Variants in CA4 observed in about 807,000 individuals in gnomAD.
CA4 encodes the protein CA-IV.
CA4 carries 24 observed loss-of-function variants against 34.5 expected under a neutral mutation model. The observed-to-expected ratio is 0.70, with a 90% CI of 0.50 to 0.98. CA4 has a LOEUF of 0.98. CA4 is among the 50% of genes least tolerant of loss of function. The pLI, the probability that CA4 is intolerant of heterozygous loss-of-function variation, is 0.00. For missense variants in CA4, 394 were observed against 396.7 expected, an observed-to-expected ratio of 0.99 and a Z score of 0.06; for synonymous variants, 178 against 170.6, an observed-to-expected ratio of 1.04 and a Z score of -0.34.
intron 5 of CA4, among the ~76,000 whole-genome samples, chr17:60,166,578 G>C (rs751460424): frequency 6.6e-6 from 1 of 152,222 alleles, no homozygotes; most frequent in Non-Finnish European, 1.5e-5. Context: ...TTAATCCTTA[G>C]AATAACAGTC....
exon 6 of CA4, chr17:60,170,581 A>T (rs2083903625): frequency 6.6e-6 from 1 of 152,228 alleles, no homozygotes; most frequent in African/African-American, 2.4e-5. Context: ...TCAGAAGCGA[A>T]TAGAACAAAC....
rs769362731 is a variant in CA4, at chr17:60,156,516, G to A, written c.113-44G>A. 50 of 1,608,830 alleles carry A rather than the reference G, an allele frequency of 3.1e-5. 1 individual carries two copies. The highest frequency in any genetic ancestry group is 4.2e-5 in the Non-Finnish European group (49 of 1,175,444). The stretch of plus-strand genomic sequence containing the variant: ...GTGGGGTGGTGGGGGCTACACCTTG[G>A]TGCCAGGCACCCGACTCTCAGCCCA... On this transcript the variant is annotated intron_variant, in intron 2 of 7. Transcript: ENST00000300900.
intron 1 of CA4, 36 bp from the exon 2 acceptor site, chr17:60,155,278 C>T (rs534331106): frequency 7.1e-5 from 113 of 1,597,676 alleles, no homozygotes; most frequent in South Asian, 5.6e-4. Flanking sequence ...ACAAGACACA[C>T]GCACGCACAC....
chr17:60,168,211 G>T (rs370590906), intron 5 of CA4, among the ~76,000 whole-genome samples: 4 of 140,190 alleles, frequency 2.9e-5, no homozygotes, highest in Admixed American at 7.1e-5. Context: ...TTATTTTTTG[G>T]GGGGGCGTGG....
At chr17:60,164,950 C>T (rs2083840508) in intron 5 of CA4, among the ~76,000 whole-genome samples, 1 of 152,168 alleles carries the variant, frequency 6.6e-6, no homozygotes, top group South Asian at 2.1e-4. Context: ...TAGTTTAATT[C>T]ATTTTTCTGA....
intron 1 of CA4, among the ~76,000 whole-genome samples, chr17:60,154,303 C>G (rs188542790): frequency 6.6e-6 from 1 of 151,998 alleles, no homozygotes; most frequent in African/African-American, 2.4e-5. Context: ...AGTGCCAAGC[C>G]GCCTGAAACC....
At position 60,154,096 on chromosome 17, in the gene CA4, C is replaced by A. The variant is rs530579675; in HGVS notation, c.59-1218C>A. 1.5e-4 allele frequency among the ~76,000 whole-genome samples: 23 copies of A among 152,236 alleles called. No homozygotes were observed. The South Asian group carries it at 3.3e-3, about 22-fold the overall frequency. ...GGCAAGAAGGGAGAGGGTGGATGAG[C>A]TCAGAGACCTCAGCTTTGGCTGAGT... On this transcript the variant is annotated intron_variant, in intron 1 of 7. Transcript: ENST00000300900.
downstream of CA4, among the ~76,000 whole-genome samples, chr17:60,162,065 A>G (rs1373929431): frequency 1.3e-5 from 2 of 152,152 alleles, no homozygotes; most frequent in African/African-American, 4.8e-5. Context: ...CTAAATCATA[A>G]ATCCGGCCAG....
chr17:60,158,390 G>T lies in CA4; in HGVS notation c.688G>T (p.Asp230Tyr). Residue 230 changes from aspartate to tyrosine, a missense_variant, in exon 7 of 8, where the codon GAT becomes TAT. Coordinates refer to ENST00000300900, the MANE Select transcript of CA4 (RefSeq NM_000717.5). ...YLGSLTTPTC[D>Y]EKVVWTVFRE... ...GGGCTCACTCACCACACCGACCTGC[G>T]ATGAGAAGGTCGTCTGGACTGTGTT... 3 of 1,614,128 alleles carry T rather than the reference G, an allele frequency of 1.9e-6. No individual in the cohort carries two copies. Among genetic ancestry groups the T allele is most frequent in the Non-Finnish European group, 2.5e-6 (3 of 1,180,004 alleles).
chr17:60,154,766 G>A (rs1448708032), intron 1 of CA4, among the ~76,000 whole-genome samples: 1 of 152,212 alleles, frequency 6.6e-6, no homozygotes, highest in Non-Finnish European at 1.5e-5. Context: ...TTTCCTCCTA[G>A]CGGGAGCTGT....
downstream of CA4, among the ~76,000 whole-genome samples, chr17:60,164,366 GTCTGTCTT>G (rs374643822): frequency 1.2e-3 from 177 of 142,216 alleles, no homozygotes; most frequent in African/African-American, 4.4e-3. Flanking sequence ...CTGTCTGTCT[GTCTGTCTT>G]TCTTTCTTTC....
chr17:60,162,088 C>T (rs2083797053), downstream of CA4, among the ~76,000 whole-genome samples: 1 of 152,158 alleles, frequency 6.6e-6, no homozygotes, highest in Non-Finnish European at 1.5e-5. Context: ...GGAGCCAGAA[C>T]GGGCACAGCT....
intron 7 of CA4, 104 bp downstream of exon 7, chr17:60,158,550 C>T: frequency 8.5e-7 from 1 of 1,179,062 alleles, no homozygotes; most frequent in Non-Finnish European, 1.2e-6. Flanking sequence ...GTGGGGAGCC[C>T]AGGTAACTGA....
chr17:60,150,829 G>T (rs2083578700), intron 1 of CA4, among the ~76,000 whole-genome samples: 1 of 151,948 alleles, frequency 6.6e-6, no homozygotes, highest in African/African-American at 2.4e-5. Flanking sequence ...CGGTCTGGCA[G>T]GGTCCTGGAA....
At chr17:60,178,698 AG>A in the CA4 span, among the ~76,000 whole-genome samples, 1 of 152,356 alleles carries the variant, frequency 6.6e-6, no homozygotes, top group South Asian at 2.1e-4. Flanking sequence ...AGACAAAGAA[AG>A]GGTATGGAAA....
rs746122172 is a variant in CA4 at position 60,166,986 on chromosome 17, CAAAT to C, written c.*179-3563_*179-3560del. Among the ~76,000 whole-genome samples, 106 of 152,224 alleles carry C rather than the reference CAAAT, an allele frequency of 7.0e-4. 1 individual carries two copies. The highest frequency in any genetic ancestry group is 3.4e-3 in the Middle Eastern group (1 of 294). On this transcript the variant is annotated intron_variant and NMD_transcript_variant, in intron 5 of 5. Coordinates refer to the CA4 transcript ENST00000586876. ...AACAAAAAGAAAACCCCCCAAAAAA[CAAAT>C]AGAGCTGAGATTTGAACCCAGAAAT...
intron 5 of CA4, among the ~76,000 whole-genome samples, chr17:60,165,462 G>A (rs544802728): frequency 6.6e-6 from 1 of 152,322 alleles, no homozygotes; most frequent in South Asian, 2.1e-4. Flanking sequence ...AGCAGGTGCA[G>A]AGTTCAGAGT....
chr17:60,168,608 G>A (rs1047719651), intron 5 of CA4, among the ~76,000 whole-genome samples: 8 of 151,484 alleles, frequency 5.3e-5, no homozygotes, highest in Non-Finnish European at 1.2e-4. Context: ...GTGGAAATAC[G>A]AACAGCTCTG....
In CA4 at chr17:60,159,299, C is replaced by G. The variant is rs764055659; in HGVS notation, c.814C>G (p.Pro272Ala). ...AGTGAGCATGAAGGACAATGTCAGG[C>G]CCCTGCAGCAGCTGGGGCAGCGCAC... ...QTVSMKDNVR[P>A]LQQLGQRTVI... Residue 272 changes from proline to alanine, a missense_variant, in exon 8 of 8, where the codon CCC becomes GCC. By Grantham distance (27) the Pro-to-Ala change is conservative. Transcript: ENST00000300900. 1.3e-5 allele frequency: 21 copies of G among 1,610,102 alleles called. No individual in the cohort carries two copies. The African/African-American group carries it at 2.8e-4, about 22-fold the overall frequency.
Sources: gnomAD v4.1 joint callset for allele counts (sites outside exome capture counted in the v4.1 genomes callset) on GRCh38, gnomAD v4.1.1 for gene constraint, MANE v1.5 for transcripts, NCBI Gene and HGNC (gene_info 2026-07-23, HGNC 2026-07-21) for gene names.